Variants in CDK10 observed in about 807,000 individuals in gnomAD.
The protein encoded by CDK10 is cyclin-dependent kinase 10.
Under a neutral mutation model 51.0 loss-of-function variants are expected in CDK10, and 55 were observed. That is an observed-to-expected ratio of 1.08 (90% CI 0.87 to 1.35). The LOEUF is 1.35. CDK10 is among the 40% of genes most tolerant of loss of function. The pLI is 0.00. For missense variants in CDK10, 589 were observed against 485.1 expected, an observed-to-expected ratio of 1.21 and a Z score of -2.01; for synonymous variants, 255 against 199.1, an observed-to-expected ratio of 1.28 and a Z score of -2.36.
rs372273537 is a variant in CDK10, at chr16:89,695,791, C to T, written c.*99C>T. 2.5e-6 allele frequency: 4 copies of T among 1,569,510 alleles called. No homozygotes were observed. The highest frequency in any genetic ancestry group is 1.7e-4 in the Middle Eastern group (1 of 6,040). On this transcript the variant is annotated 3_prime_UTR_variant, in exon 13 of 13. Transcript: ENST00000353379. Reference sequence around the variant, plus strand: ...GCCAGGCTGACCAGGCGCCCGGGATCCAGCTCATCCCCTTGGCTGGGAACA... The same window carrying T: ...GCCAGGCTGACCAGGCGCCCGGGATTCAGCTCATCCCCTTGGCTGGGAACA...
intron 4 of CDK10, 30 bp from the exon 5 acceptor site, chr16:89,691,776 A>G: frequency 6.2e-7 from 1 of 1,601,792 alleles, no homozygotes; most frequent in Non-Finnish European, 8.6e-7. Flanking sequence ...AGAAGGCCGG[A>G]GAGTGGCATG....
In CDK10 at chr16:89,694,618, G is replaced by A. The variant is rs369185166; in HGVS notation, c.669-47G>A. ...CAGGTCCTCTGTTCCTCGCGCTGGC[G>A]GGGTCAGCAGACGTCTGGCCGCAGT... On this transcript the variant is annotated intron_variant, in intron 9 of 12. Transcript: ENST00000353379. 60 of 1,561,894 alleles carry A rather than the reference G, an allele frequency of 3.8e-5. No individual in the cohort carries two copies. The African/African-American group carries it at 4.0e-4, about 11-fold the overall frequency.
At position 89,695,566 on chromosome 16, in the gene CDK10, C is replaced by T. The variant is rs374011747; in HGVS notation, c.986-29C>T. 122 of 1,583,434 alleles carry T rather than the reference C, an allele frequency of 7.7e-5. No individual in the cohort carries two copies. The African/African-American group carries it at 1.1e-3, about 14-fold the overall frequency. Reference sequence around the variant, plus strand: ...GCTCCTCCTATCTGGGGCCCTGCCCCGCCCAGCACTGAACCCTTCTCCCTG... The same window carrying T: ...GCTCCTCCTATCTGGGGCCCTGCCCTGCCCAGCACTGAACCCTTCTCCCTG... On this transcript the variant is annotated intron_variant, in intron 12 of 12. Coordinates refer to ENST00000353379, the MANE Select transcript of CDK10 (RefSeq NM_052988.5).
chr16:89,687,070 C>T (rs981085753), intron 1 of CDK10: 30 of 333,984 alleles, frequency 9.0e-5, no homozygotes, highest in Non-Finnish European at 1.3e-4. Flanking sequence ...AGAGCAAGCT[C>T]CGGGATCCAG....
At chr16:89,694,450 G>A (rs1329568403) in intron 9 of CDK10, 2 of 892,314 alleles carry the variant, frequency 2.2e-6, no homozygotes, top group African/African-American at 1.6e-5. Flanking sequence ...GAGGTCTGGA[G>A]GAGGCACGCC....
In CDK10 at chr16:89,686,744, C is replaced by A. The variant is rs747623527; in HGVS notation, c.34C>A (p.Arg12Ser). ...GCCAGATCTGGAGTGCGAGCAGATC[C>A]GTCTGAAGTGTATTCGTAAGGAGGG... ...AEPDLECEQI[R>S]LKCIRKEGFF... The change falls in exon 1 of 13, where the codon CGT becomes AGT. Residue 12 changes from arginine (R) to serine (S), a missense_variant. Arg to Ser is a moderately radical substitution (Grantham distance 110). Transcript: ENST00000353379. The A allele has an allele frequency of 1.2e-6, 2 of 1,612,388 alleles. No individual in the cohort carries two copies. The highest frequency in any genetic ancestry group is 2.2e-5 in the South Asian group (2 of 90,924).
At chr16:89,690,201 G>C (rs1268921085) in intron 2 of CDK10, 1 of 270,886 alleles carries the variant, frequency 3.7e-6, no homozygotes, top group Non-Finnish European at 7.1e-6. Context: ...GCTTTTTTCT[G>C]CATAGAGTAC....
chr16:89,695,992 C>A lies in CDK10; in HGVS notation c.*300C>A. On this transcript the variant is annotated 3_prime_UTR_variant, in exon 13 of 13. Transcript: ENST00000353379. ...CCTCGCTATGTTGGAAATGTGCAAC[C>A]ACTGCTTCTTGGGAGGAGTGGTGGG... 2 of 608,620 alleles carry A rather than the reference C, an allele frequency of 3.3e-6. No individual in the cohort carries two copies. 37.7% of individuals were successfully genotyped at this position (608,620 alleles called of 1,614,324 possible).
chr16:89,690,898 ACCTGCCTGTGCAGGCAGGGC>A (rs1479549191), intron 3 of CDK10, among the ~76,000 whole-genome samples: 1 of 151,654 alleles, frequency 6.6e-6, no homozygotes, highest in South Asian at 2.1e-4. Context: ...CACCCCCAGC[ACCTGCCTGTGCAGGCAGGGC>A]CCTGCCATGC....
intron 2 of CDK10, 32 bp downstream of exon 2, chr16:89,689,356 A>G (rs1247751592): frequency 2.5e-6 from 4 of 1,590,232 alleles, no homozygotes; most frequent in South Asian, 1.1e-5. Flanking sequence ...ATGTGGCCGC[A>G]GCTCGTGGCT....
chr16:89,695,888 G>A lies in CDK10; in HGVS notation c.*196G>A, dbSNP rs1488169422. 40 of 1,280,614 alleles carry A rather than the reference G, an allele frequency of 3.1e-5. No individual in the cohort carries two copies. Among genetic ancestry groups the A allele is most frequent in the Middle Eastern group, 2.0e-4 (1 of 4,934 alleles). 79.3% of individuals were successfully genotyped at this position (1,280,614 alleles called of 1,614,324 possible). On this transcript the variant is annotated 3_prime_UTR_variant, in exon 13 of 13. Transcript: ENST00000353379. The stretch of plus-strand genomic sequence containing the variant: ...CCCCAGAAAAAGGCCGGGTGACACC[G>A]GGGGGCTCCCAGCCCGTGCACCCTG...
At chr16:89,686,962 G>T in intron 1 of CDK10, 165 bp downstream of exon 1, 1 of 585,770 alleles carries the variant, frequency 1.7e-6, no homozygotes, top group South Asian at 2.3e-5. Context: ...GGCGGGGCGG[G>T]CTCAGGACCC....
Position 89,694,164 on chromosome 16 carries a change from T to C in CDK10, c.609-9T>C. On this transcript the variant is annotated splice_polypyrimidine_tract_variant and intron_variant, in intron 8 of 12. Transcript: ENST00000353379. ...CCGGCTGTATTGAGGTGGGTGCTTC[T>C]GTGTGTAGGTACCGAGCCCCTGAAC... 1 of 1,613,832 alleles carries C rather than the reference T, an allele frequency of 6.2e-7. No individual in the cohort carries two copies. Among genetic ancestry groups the C allele is most frequent in the Non-Finnish European group, 8.5e-7 (1 of 1,179,848 alleles).
chr16:89,690,731 C>G, intron 3 of CDK10, 107 bp downstream of exon 3: 2 of 986,502 alleles, frequency 2.0e-6, no homozygotes, highest in Non-Finnish European at 3.2e-6. Flanking sequence ...TAGCGGGGGC[C>G]GGCCTCTGGG....
chr16:89,693,809 G>T, intron 8 of CDK10: 1 of 542,342 alleles, frequency 1.8e-6, no homozygotes, highest in African/African-American at 1.9e-5. Context: ...TCTTCCTCCT[G>T]GATACTTTTA....
chr16:89,690,097 G>A (rs910221164), intron 2 of CDK10: 1 of 177,442 alleles, frequency 5.6e-6, no homozygotes, highest in Non-Finnish European at 1.2e-5. Flanking sequence ...ACAACTAAAG[G>A]TTATAACAGA....
intron 1 of CDK10, chr16:89,687,680 C>T (rs1404879450): frequency 2.3e-6 from 1 of 438,464 alleles, no homozygotes. Flanking sequence ...CTTCCTGCCT[C>T]GGCCTCCCAA....
At chr16:89,686,933 C>T (rs529383655) in intron 1 of CDK10, 136 bp downstream of exon 1, 3 of 693,438 alleles carry the variant, frequency 4.3e-6, no homozygotes, top group South Asian at 4.4e-5. Context: ...GAGTTCCCCG[C>T]GGCGGGGGCG....
intron 6 of CDK10, 125 bp from the exon 7 acceptor site, chr16:89,693,149 A>C: frequency 1.3e-6 from 1 of 792,620 alleles, no homozygotes; most frequent in South Asian, 1.7e-5. Flanking sequence ...AAAAAAAAAA[A>C]AAAAGATACT....
Sources: gnomAD v4.1 joint callset for allele counts (sites outside exome capture counted in the v4.1 genomes callset) on GRCh38, gnomAD v4.1.1 for gene constraint, MANE v1.5 for transcripts, NCBI Gene and HGNC (gene_info 2026-07-23, HGNC 2026-07-21) for gene names.